FREM1: variants seen among roughly 807,000 people sequenced by gnomAD.
FREM1 encodes FRAS1 related extracellular matrix 1, also known as FRAS1-related extracellular matrix protein 1.
In FREM1, 220 loss-of-function variants were observed where a neutral mutation model predicts 210.1. The observed-to-expected ratio is 1.05, with a 90% CI of 0.94 to 1.17. FREM1 has a LOEUF of 1.17. FREM1 is among the 50% of genes most tolerant of loss of function. The probability of loss-of-function intolerance (pLI) is 0.00; values close to 1 mark genes in which losing one functional copy is unlikely to be tolerated. For missense variants in FREM1, 3,454 were observed against 2,675.5 expected (o/e 1.29, Z -6.42); for synonymous variants, 1,189 against 980.2 (o/e 1.21, Z -3.98).
intron 2 of FREM1, among the ~76,000 whole-genome samples, chr9:14,867,490 C>T (rs1478017087): frequency 6.6e-6 from 1 of 152,166 alleles, no homozygotes; most frequent in African/African-American, 2.4e-5. Flanking sequence ...TAGGCAGAGA[C>T]ATTTGGTTAC....
intron 3 of FREM1, among the ~76,000 whole-genome samples, chr9:14,860,595 A>ATGTG (rs1205490767): frequency 1.2e-5 from 1 of 86,622 alleles, no homozygotes; most frequent in African/African-American, 6.4e-5. Flanking sequence ...ATATATATAC[A>ATGTG]TATATACACA....
chr9:14,880,288 A>T (rs944278228), intron 1 of FREM1, among the ~76,000 whole-genome samples: 3 of 152,200 alleles, frequency 2.0e-5, no homozygotes, highest in Admixed American at 6.5e-5. Context: ...AAAAAAAGGA[A>T]AAGAAGAGCA....
rs560324811 is a variant in FREM1 at position 14,856,728 on chromosome 9, G to T, written c.828+825C>A. ...GGCGCCTGTAGTCCCAGCTACTCGG[G>T]AGGCTGAGGCAGGAGAGTGGCATGA... On this transcript the variant is annotated intron_variant, in intron 5 of 36. Transcript: ENST00000380880. 8.6e-5 allele frequency among the ~76,000 whole-genome samples: 13 copies of T among 151,966 alleles called. No individual in the cohort carries two copies. The South Asian group carries it at 2.7e-3, about 32-fold the overall frequency.
At chr9:14,906,996 C>G (rs1817829518) in intron 1 of FREM1, among the ~76,000 whole-genome samples, 1 of 152,200 alleles carries the variant, frequency 6.6e-6, no homozygotes, top group Non-Finnish European at 1.5e-5. Flanking sequence ...TTTTGGGCAT[C>G]ATTTTTTAAT....
In FREM1 at chr9:14,759,581, CAG is replaced by C. The variant is rs1845096683; in HGVS notation, c.5334+189_5334+190del. ...ACACGTACACTAAAAAATCATATCT[CAG>C]AGTTTATGAACTTAGATGATGGATG... On this transcript the variant is annotated intron_variant, in intron 28 of 36. Transcript: ENST00000380880. Among the ~76,000 whole-genome samples, 4 of 151,624 alleles carry C rather than the reference CAG, an allele frequency of 2.6e-5. No homozygotes were observed. In the South Asian group the frequency reaches 8.3e-4, roughly 32 times the overall value.
intron 27 of FREM1, among the ~76,000 whole-genome samples, chr9:14,769,433 T>C (rs1043952494): frequency 6.6e-6 from 1 of 152,182 alleles, no homozygotes; most frequent in Non-Finnish European, 1.5e-5. Context: ...TGCTAGTGAA[T>C]TGGTAAGACA....
chr9:14,872,081 T>C (rs1269988398), intron 1 of FREM1, among the ~76,000 whole-genome samples: 1 of 152,198 alleles, frequency 6.6e-6, no homozygotes, highest in African/African-American at 2.4e-5. Flanking sequence ...CCTTGTTGTA[T>C]AGTTTGAAGT....
chr9:14,811,348 G>C (rs993291236), intron 16 of FREM1, among the ~76,000 whole-genome samples: 3 of 152,174 alleles, frequency 2.0e-5, no homozygotes, highest in African/African-American at 7.2e-5. Flanking sequence ...CACTGGAAAA[G>C]AAGACAGATT....
chr9:14,775,502 TC>T (rs1211401679), intron 25 of FREM1, among the ~76,000 whole-genome samples: 1 of 151,932 alleles, frequency 6.6e-6, no homozygotes. Flanking sequence ...AGTCAGGAGT[TC>T]GCCACCAGCC....
chr9:14,756,069 C>G (rs1193182347), intron 29 of FREM1, among the ~76,000 whole-genome samples: 2 of 152,088 alleles, frequency 1.3e-5, no homozygotes, highest in African/African-American at 4.8e-5. Flanking sequence ...TGTGTTAGAA[C>G]TTCAAATAAT....
At chr9:14,815,091 G>A (rs76706456) in intron 15 of FREM1, among the ~76,000 whole-genome samples, 2,121 of 152,328 alleles carry the variant, frequency 0.014, 46 homozygotes, top group African/African-American at 0.048. Flanking sequence ...TGAGGACTAA[G>A]TGGGAAAACG....
intron 1 of FREM1, among the ~76,000 whole-genome samples, chr9:14,875,475 G>C (rs937401618): frequency 3.3e-5 from 5 of 152,122 alleles, no homozygotes; most frequent in African/African-American, 1.2e-4. Context: ...ATCGGCTCCT[G>C]AGGCTTCTGC....
intron 25 of FREM1, among the ~76,000 whole-genome samples, chr9:14,771,030 T>C (rs116870878): frequency 0.016 from 2,402 of 152,236 alleles, 28 homozygotes; most frequent in Non-Finnish European, 0.025. Flanking sequence ...TGACTCCACT[T>C]TATCAATTTG....
chr9:14,779,567 C>G (rs1345316515), intron 24 of FREM1: 5 of 839,614 alleles, frequency 6.0e-6, no homozygotes, highest in Non-Finnish European at 7.2e-6. Context: ...GTCCTCAAAG[C>G]TCATCTCAGG....
intron 1 of FREM1, among the ~76,000 whole-genome samples, chr9:14,904,576 G>C (rs1438806434): frequency 1.3e-5 from 2 of 152,134 alleles, no homozygotes; most frequent in Non-Finnish European, 2.9e-5. Flanking sequence ...TGTTTGAAGG[G>C]GAGTGACTTG....
intron 8 of FREM1, among the ~76,000 whole-genome samples, chr9:14,843,098 T>C (rs12337418): frequency 0.082 from 12,536 of 152,202 alleles, 1,696 homozygotes; most frequent in African/African-American, 0.28. Flanking sequence ...ATCCAATCCA[T>C]TGATAGACTG....
chr9:14,773,259 T>A (rs7044994), intron 25 of FREM1, among the ~76,000 whole-genome samples: 61,576 of 152,044 alleles, frequency 0.4, 12,753 homozygotes, highest in Non-Finnish European at 0.43. Flanking sequence ...ACAGAAAAGA[T>A]TTCCTACCAA....
At chr9:14,802,228 A>T (rs2133305864) in intron 19 of FREM1, among the ~76,000 whole-genome samples, 1 of 152,346 alleles carries the variant, frequency 6.6e-6, no homozygotes, top group Middle Eastern at 3.4e-3. Flanking sequence ...GTTCAGTTGT[A>T]AAACTGAATC....
At chr9:14,907,795 T>C (rs1323651639) in intron 1 of FREM1, among the ~76,000 whole-genome samples, 1 of 152,230 alleles carries the variant, frequency 6.6e-6, no homozygotes, top group African/African-American at 2.4e-5. Context: ...CCCATATCTG[T>C]GTTTAGAAGA....
Sources: allele counts gnomAD v4.1 joint callset (sites outside exome capture counted in the v4.1 genomes callset), GRCh38; gene constraint gnomAD v4.1.1; transcripts MANE v1.5; gene names NCBI Gene and HGNC (gene_info 2026-07-23, HGNC 2026-07-21).